Variants in VTI1A observed in about 807,000 individuals in gnomAD.
VTI1A encodes vesicle transport through interaction with t-SNAREs homolog 1A.
Under a neutral mutation model 34.9 loss-of-function variants are expected in VTI1A, and 22 were observed. The ratio of observed to expected loss-of-function variants is 0.63; its 90% confidence interval spans 0.45 to 0.90. VTI1A has a LOEUF of 0.90. Ranked by LOEUF, VTI1A falls within the 40% of genes least tolerant of loss-of-function variation. The pLI is 0.00. For synonymous variants in VTI1A, 87 were observed against 97.3 expected, an observed-to-expected ratio of 0.89 and a Z score of 0.62; for missense variants, 268 against 275.6, an observed-to-expected ratio of 0.97 and a Z score of 0.20.
At chr10:112,764,497 A>C (rs190364457) in intron 7 of VTI1A, among the ~76,000 whole-genome samples, 43 of 151,746 alleles carry the variant, frequency 2.8e-4, no homozygotes, top group Admixed American at 1.8e-3. Flanking sequence ...TCTCTGTTTT[A>C]TATAGAGTGA....
At chr10:112,632,306 A>G (rs909674159) in intron 5 of VTI1A, among the ~76,000 whole-genome samples, 2 of 152,334 alleles carry the variant, frequency 1.3e-5, no homozygotes, top group Non-Finnish European at 2.9e-5. Context: ...CCATATGAAC[A>G]CAAAGTATTT....
chr10:112,752,851 T>C (rs1851147596), intron 7 of VTI1A, among the ~76,000 whole-genome samples: 1 of 152,204 alleles, frequency 6.6e-6, no homozygotes, highest in Non-Finnish European at 1.5e-5. Flanking sequence ...TAGTGTAGAC[T>C]TATTTTTGGT....
intron 3 of VTI1A, among the ~76,000 whole-genome samples, chr10:112,524,179 G>T (rs2134214747): frequency 6.6e-6 from 1 of 152,142 alleles, no homozygotes; most frequent in Middle Eastern, 3.4e-3. Context: ...CTAAGTTATG[G>T]TTGGGTACAA....
Position 112,565,771 on chromosome 10 carries a change from A to G in VTI1A, c.427+27441A>G, listed in dbSNP as rs189405132. Among the ~76,000 whole-genome samples, 824 of 152,308 alleles carry G rather than the reference A, an allele frequency of 5.4e-3. 14 individuals are homozygous for G. Among genetic ancestry groups the G allele is most frequent in the Non-Finnish European group, 5.3e-3 (358 of 68,018 alleles). ...ATCAGTTTTTAAAATGTGTGTTACT[A>G]TAATTAATATAACAAAAAAGAACAT... On this transcript the variant is annotated intron_variant, in intron 5 of 7. Transcript: ENST00000393077.
chr10:112,707,717 T>C (rs1849251010), intron 7 of VTI1A, among the ~76,000 whole-genome samples: 1 of 152,232 alleles, frequency 6.6e-6, no homozygotes, highest in Non-Finnish European at 1.5e-5. Flanking sequence ...TTTATTGGCA[T>C]TTAAGTTTTC....
intron 7 of VTI1A, among the ~76,000 whole-genome samples, chr10:112,765,839 T>G (rs1004485885): frequency 7.9e-5 from 12 of 152,290 alleles, no homozygotes; most frequent in African/African-American, 2.9e-4. Context: ...CCCCAGAGTT[T>G]CTGTGTCTAA....
the VTI1A span, among the ~76,000 whole-genome samples, chr10:112,840,676 G>A: frequency 8.5e-5 from 13 of 152,180 alleles, no homozygotes; most frequent in African/African-American, 2.9e-4. Flanking sequence ...TGTGAGGTAG[G>A]CACAGGTGCC....
intron 3 of VTI1A, 72 bp from the exon 4 acceptor site, chr10:112,527,015 T>C (rs1850253607): frequency 6.7e-7 from 1 of 1,491,334 alleles, no homozygotes; most frequent in Non-Finnish European, 9.3e-7. Flanking sequence ...TCAGCCTTGA[T>C]ACCAATAAAG....
chr10:112,474,846 T>TA, intron 3 of VTI1A, among the ~76,000 whole-genome samples: 1 of 152,298 alleles, frequency 6.6e-6, no homozygotes, highest in African/African-American at 2.4e-5. Flanking sequence ...TGCCCTTCAT[T>TA]GTTTATAGGA....
chr10:112,838,687 G>A, the VTI1A span, among the ~76,000 whole-genome samples: 1 of 152,154 alleles, frequency 6.6e-6, no homozygotes, highest in South Asian at 2.1e-4. Context: ...ACGCTGGAGG[G>A]GCAGGGGGGT....
chr10:112,725,253 T>G (rs1849977783), intron 7 of VTI1A, among the ~76,000 whole-genome samples: 1 of 152,244 alleles, frequency 6.6e-6, no homozygotes, highest in Non-Finnish European at 1.5e-5. Context: ...GAAATTGTCC[T>G]GTAAAAATTT....
intron 1 of VTI1A, among the ~76,000 whole-genome samples, chr10:112,459,907 C>G (rs1847673229): frequency 6.6e-6 from 1 of 151,978 alleles, no homozygotes; most frequent in South Asian, 2.1e-4. Context: ...AAAGTAATCC[C>G]GTAGATATTT....
intron 3 of VTI1A, among the ~76,000 whole-genome samples, chr10:112,496,284 G>T (rs1429235605): frequency 1.4e-5 from 2 of 144,732 alleles, no homozygotes; most frequent in Non-Finnish European, 3.0e-5. Context: ...ACATATGAAG[G>T]TTGGGCCAGG....
At chr10:112,522,477 TTG>T (rs1366943563) in intron 3 of VTI1A, among the ~76,000 whole-genome samples, 1 of 152,096 alleles carries the variant, frequency 6.6e-6, no homozygotes, top group Non-Finnish European at 1.5e-5. Flanking sequence ...TGCTTAGTGT[TTG>T]TGAATGTTGC....
At chr10:112,808,575 A>C (rs1423958318) in intron 7 of VTI1A, among the ~76,000 whole-genome samples, 1 of 145,514 alleles carries the variant, frequency 6.9e-6, no homozygotes, top group Non-Finnish European at 1.5e-5. Flanking sequence ...CAGTGAGCTG[A>C]GATTGCGCCA....
chr10:112,495,756 G>A (rs79105741), intron 3 of VTI1A, among the ~76,000 whole-genome samples: 2 of 152,052 alleles, frequency 1.3e-5, no homozygotes, highest in East Asian at 1.9e-4. Context: ...GAGAGTTCTC[G>A]ACCAAGCTCG....
intron 3 of VTI1A, among the ~76,000 whole-genome samples, chr10:112,518,177 G>A (rs1164946831): frequency 6.6e-6 from 1 of 152,078 alleles, no homozygotes; most frequent in Non-Finnish European, 1.5e-5. Flanking sequence ...AAATGACTGA[G>A]ACATGAATAA....
At position 112,560,117 on chromosome 10, in the gene VTI1A, A is replaced by G. The variant is rs11816012; in HGVS notation, c.427+21787A>G. On this transcript the variant is annotated intron_variant, in intron 5 of 7. Coordinates refer to ENST00000393077, the MANE Select transcript of VTI1A (RefSeq NM_145206.4). ...ATCTTGAAAGGCCTTCTGACTCTAG[A>G]AAGATTAGGGTGAGCGATGTTTAGT... Among the ~76,000 whole-genome samples, 962 of 152,290 alleles carry G rather than the reference A, an allele frequency of 6.3e-3. 15 individuals are homozygous for G. Among genetic ancestry groups the G allele is most frequent in the African/African-American group, 0.022 (916 of 41,558 alleles).
chr10:112,798,712 C>T (rs1852762899), intron 7 of VTI1A, among the ~76,000 whole-genome samples: 1 of 152,184 alleles, frequency 6.6e-6, no homozygotes, highest in Admixed American at 6.5e-5. Flanking sequence ...CATATGTTTA[C>T]TGCCATTTTA....
Sources: allele counts gnomAD v4.1 joint callset (sites outside exome capture counted in the v4.1 genomes callset), GRCh38; gene constraint gnomAD v4.1.1; transcripts MANE v1.5; gene names NCBI Gene and HGNC (gene_info 2026-07-23, HGNC 2026-07-21).